The following ZFP42 variants were observed in gnomAD, a reference collection of about 807,000 sequenced individuals.
ZFP42 encodes zinc finger protein 42 homolog.
For synonymous variants in ZFP42, 175 were observed against 144.6 expected (o/e 1.21, Z -1.51); for missense variants, 438 against 377.1 (o/e 1.16, Z -1.34).
rs1560916564 is a variant in ZFP42, at chr4:188,003,506, G to C, written c.699G>C (p.Lys233Asn). Residue 233 changes from lysine (K) to asparagine (N), a missense_variant, in exon 4 of 4, where the codon AAG becomes AAC. Physicochemically the swap from Lys to Asn is moderately conservative, Grantham distance 94. Coordinates refer to ENST00000326866, the MANE Select transcript of ZFP42 (RefSeq NM_174900.5). The stretch of plus-strand genomic sequence containing the variant: ...CGTTCGTTGAGAGCTCAAAACTAAA[G>C]AGACATTTCCTGGTTCATACTGGAG... Reference protein sequence around the residue: ...GKAFVESSKLKRHFLVHTGEK... With the variant: ...GKAFVESSKLNRHFLVHTGEK... The C allele has an allele frequency of 6.2e-7, 1 of 1,613,638 alleles. No individual in the cohort carries two copies. The highest frequency in any genetic ancestry group is 8.5e-7 in the Non-Finnish European group (1 of 1,180,034).
intron 1 of ZFP42, among the ~76,000 whole-genome samples, chr4:187,998,634 C>T (rs1363842772): frequency 3.3e-5 from 5 of 152,078 alleles, no homozygotes. Flanking sequence ...TGTTTATATG[C>T]AAATACTTAC....
At position 188,003,458 on chromosome 4, in the gene ZFP42, C is replaced by T; in HGVS notation, c.651C>T (p.His217=). The T allele has an allele frequency of 6.2e-7, 1 of 1,614,070 alleles. No individual in the cohort carries two copies. The highest frequency in any genetic ancestry group is 1.1e-5 in the South Asian group (1 of 91,088). The change falls in exon 4 of 4, where the codon CAC becomes CAT. Residue 217 remains histidine (H), a synonymous_variant. Transcript: ENST00000326866. ...TCCTCATTCATGGTCCCCGAGACCA[C>T]GTCTGTGCGGAATGTGGGAAAGCGT... ...KHLLIHGPRD[H]VCAECGKAFV...
At chr4:187,997,942 T>C (rs146315553) in intron 1 of ZFP42, among the ~76,000 whole-genome samples, 134 of 152,294 alleles carry the variant, frequency 8.8e-4, no homozygotes, top group African/African-American at 3.1e-3. Context: ...AGAATAAGAA[T>C]ATAAAGAAAA....
rs2111192506 is a variant in ZFP42, at chr4:188,004,792, AAAGT to A, written c.*1055_*1058del. On this transcript the variant is annotated 3_prime_UTR_variant, in exon 4 of 4. Transcript: ENST00000326866. ...AACAGCAAGAGCCCATCTTTTAAAA[AAAGT>A]AAAAATTAAAAATATACTTCATGGT... 1.2e-5 allele frequency: 2 copies of A among 167,252 alleles called. No homozygotes were observed. Among genetic ancestry groups the A allele is most frequent in the East Asian group, 3.9e-4 (2 of 5,194 alleles). 10.4% of individuals were successfully genotyped at this position (167,252 alleles called of 1,614,324 possible).
intron 3 of ZFP42, among the ~76,000 whole-genome samples, 181 bp from the exon 4 acceptor site, chr4:188,002,532 G>A (rs1733866600): frequency 6.6e-6 from 1 of 152,194 alleles, no homozygotes; most frequent in Admixed American, 6.5e-5. Context: ...CCAATAACTT[G>A]TGGGGACACC....
At chr4:187,997,290 G>A (rs1453686610) in intron 1 of ZFP42, among the ~76,000 whole-genome samples, 2 of 131,230 alleles carry the variant, frequency 1.5e-5, no homozygotes, top group Non-Finnish European at 3.1e-5. Flanking sequence ...CTGGAGTGCA[G>A]TGGCACGATC....
chr4:188,003,476 G>A lies in ZFP42; in HGVS notation c.669G>A (p.Gly223=). Residue 223 remains glycine (G), a synonymous_variant, in exon 4 of 4, where the codon GGG becomes GGA. Transcript: ENST00000326866. ...GAGACCACGTCTGTGCGGAATGTGG[G>A]AAAGCGTTCGTTGAGAGCTCAAAAC... ...GPRDHVCAEC[G]KAFVESSKLK... is the part of the protein sequence containing the mutation. The A allele has an allele frequency of 6.2e-7, 1 of 1,613,946 alleles. No individual in the cohort carries two copies. The highest frequency in any genetic ancestry group is 8.5e-7 in the Non-Finnish European group (1 of 1,180,032).
chr4:188,002,298 G>C (rs908476594), intron 3 of ZFP42, among the ~76,000 whole-genome samples: 14 of 152,182 alleles, frequency 9.2e-5, no homozygotes, highest in African/African-American at 2.7e-4. Context: ...AATATTGCAG[G>C]CTTCTGTTTC....
At position 188,003,915 on chromosome 4, in the gene ZFP42, C is replaced by A; in HGVS notation, c.*175C>A. On this transcript the variant is annotated 3_prime_UTR_variant, in exon 4 of 4. Coordinates refer to ENST00000326866, the MANE Select transcript of ZFP42 (RefSeq NM_174900.5). ...GTGATACCGTTTTAAGGACATGGTG[C>A]ATTTTTTTTTCTTTTATTTGTTTTA... 1.8e-6 allele frequency: 1 copy of A among 563,328 alleles called. No homozygotes were observed. Among genetic ancestry groups the A allele is most frequent in the Non-Finnish European group, 3.0e-6 (1 of 332,494 alleles). The allele number at this position is 563,328 out of a possible 1,614,324, so 34.9% of individuals were successfully genotyped here.
intron 3 of ZFP42, among the ~76,000 whole-genome samples, chr4:188,002,491 G>A (rs560824360): frequency 1.3e-5 from 2 of 152,320 alleles, no homozygotes; most frequent in South Asian, 2.1e-4. Context: ...CACCCAACAC[G>A]TGTCAGGTGA....
At position 188,003,017 on chromosome 4, in the gene ZFP42, C is replaced by T. The variant is rs1419646893; in HGVS notation, c.210C>T (p.Asp70=). 6.2e-7 allele frequency: 1 copy of T among 1,614,038 alleles called. No homozygotes were observed. Among genetic ancestry groups the T allele is most frequent in the Admixed American group, 1.7e-5 (1 of 59,998 alleles). The change falls in exon 4 of 4, where the codon GAC becomes GAT. Residue 70 remains aspartate, a synonymous_variant. Coordinates refer to ENST00000326866, the MANE Select transcript of ZFP42 (RefSeq NM_174900.5). ...CTCTCGGAGGGGATGATTTCTCAGACTGTTACATAGAATGCGTCATAAGGG... is the reference window on the plus strand; with the variant it reads ...CTCTCGGAGGGGATGATTTCTCAGATTGTTACATAGAATGCGTCATAAGGG... ...PQALGGDDFS[D]CYIECVIRGE...
intron 3 of ZFP42, among the ~76,000 whole-genome samples, chr4:188,000,168 T>C (rs1018714833): frequency 7.2e-5 from 11 of 152,170 alleles, no homozygotes; most frequent in African/African-American, 2.7e-4. Context: ...CCAATGAGAA[T>C]TTCCTTTAAG....
chr4:188,002,662 T>A, intron 3 of ZFP42, 51 bp from the exon 4 acceptor site: 1 of 681,964 alleles, frequency 1.5e-6, no homozygotes. Flanking sequence ...TTTTTGACAG[T>A]GGCTCTAATA....
Position 188,002,966 on chromosome 4 carries a change from T to C in ZFP42, c.159T>C (p.Tyr53=), listed in dbSNP as rs142587773. ...CGGTGTGGGCCTTATGTGATGGCTA[T>C]GTGTGCTATGAGCCTGGCCCTCAGG... ...VSAVWALCDG[Y]VCYEPGPQAL... The change falls in exon 4 of 4, where the codon TAT becomes TAC. Residue 53 remains tyrosine, a synonymous_variant. Coordinates refer to ENST00000326866, the MANE Select transcript of ZFP42 (RefSeq NM_174900.5). 3 of 1,614,022 alleles carry C rather than the reference T, an allele frequency of 1.9e-6. No homozygotes were observed. Among genetic ancestry groups the C allele is most frequent in the Admixed American group, 1.7e-5 (1 of 60,006 alleles).
chr4:188,001,657 A>G (rs1404921273), intron 3 of ZFP42, among the ~76,000 whole-genome samples: 1 of 152,240 alleles, frequency 6.6e-6, no homozygotes, highest in Non-Finnish European at 1.5e-5. Flanking sequence ...TTCAACAGAC[A>G]CCACAGGACC....
rs943877958 is a variant in ZFP42, at chr4:188,003,851, C to G, written c.*111C>G. ...TAAATCAATATTGCAACCCCAAAAG[C>G]GGTTATAATTTGGTGTTACTAAGAT... On this transcript the variant is annotated 3_prime_UTR_variant, in exon 4 of 4. Coordinates refer to ENST00000326866, the MANE Select transcript of ZFP42 (RefSeq NM_174900.5). 8.5e-7 allele frequency: 1 copy of G among 1,176,554 alleles called. No individual in the cohort carries two copies. The highest frequency in any genetic ancestry group is 2.6e-5 in the East Asian group (1 of 38,832). 72.9% of individuals were successfully genotyped at this position (1,176,554 alleles called of 1,614,324 possible). A position where few individuals can be genotyped will look rare whatever the true frequency, so the allele number is the denominator to read the frequency against.
intron 1 of ZFP42, among the ~76,000 whole-genome samples, chr4:187,997,019 G>A (rs1733610756): frequency 1.7e-5 from 1 of 57,574 alleles, no homozygotes; most frequent in South Asian, 4.1e-4. Context: ...GGAGCGTGGA[G>A]CATGGAGCAT....
rs374970262 is a variant in ZFP42, at chr4:188,003,077, A to G, written c.270A>G (p.Ser90=). ...CTCAACCCATCCTGGAAGAGGACTC[A>G]CTTTTTGAGTCCTTGGAATACCTAA... ...EFSQPILEED[S]LFESLEYLKK... The change falls in exon 4 of 4, where the codon TCA becomes TCG. Residue 90 remains serine (S), a synonymous_variant. Transcript: ENST00000326866. 3.7e-6 allele frequency: 6 copies of G among 1,614,060 alleles called. No homozygotes were observed. The African/African-American group carries it at 8.0e-5, about 22-fold the overall frequency.
In ZFP42 at chr4:188,003,672, T is replaced by C. The variant is rs1157219525; in HGVS notation, c.865T>C (p.Ser289Pro). ...AGGCTGCAACAGGAGGTTTATTCAG[T>C]CAAATAACCTGAAAGCCCACATCCT... ...FQGCNRRFIQSNNLKAHILTH... is the reference protein window; with the variant it reads ...FQGCNRRFIQPNNLKAHILTH... The change falls in exon 4 of 4, where the codon TCA (serine) becomes CCA (proline). Residue 289 changes from serine (S) to proline (P), a missense_variant. Ser to Pro is a moderately conservative substitution (Grantham distance 74, BLOSUM62 -1). Coordinates refer to ENST00000326866, the MANE Select transcript of ZFP42 (RefSeq NM_174900.5). 3 of 1,613,782 alleles carry C rather than the reference T, an allele frequency of 1.9e-6. No homozygotes were observed. Among genetic ancestry groups the C allele is most frequent in the Non-Finnish European group, 1.7e-6 (2 of 1,180,014 alleles).
Sources: gnomAD v4.1 joint callset for allele counts (sites outside exome capture counted in the v4.1 genomes callset) on GRCh38, gnomAD v4.1.1 for gene constraint, MANE v1.5 for transcripts, NCBI Gene and HGNC (gene_info 2026-07-23, HGNC 2026-07-21) for gene names.